The following AKAP6 variants were observed in gnomAD, a reference collection of about 807,000 sequenced individuals.
The protein encoded by AKAP6 is A-kinase anchor protein 6.
Under a neutral mutation model 188.5 loss-of-function variants are expected in AKAP6, and 58 were observed. The ratio of observed to expected loss-of-function variants is 0.31; its 90% confidence interval spans 0.25 to 0.38. The LOEUF (loss-of-function observed/expected upper bound fraction) is 0.38, where lower values mean the gene tolerates loss of function less well. AKAP6 is among the 10% of genes least tolerant of loss of function. AKAP6 has a pLI of 1.00. For synonymous variants in AKAP6, 989 were observed against 998.6 expected, an observed-to-expected ratio of 0.99 and a Z score of 0.18; for missense variants, 2,710 against 2,740.0, an observed-to-expected ratio of 0.99 and a Z score of 0.24.
At chr14:32,398,894 C>T (rs1220465293) in intron 1 of AKAP6, among the ~76,000 whole-genome samples, 1 of 143,760 alleles carries the variant, frequency 7.0e-6, no homozygotes, top group Non-Finnish European at 1.5e-5. Context: ...CTCTGTCGCC[C>T]AGGCTGGAGT....
intron 11 of AKAP6, among the ~76,000 whole-genome samples, chr14:32,746,529 G>T (rs1284304132): frequency 2.6e-5 from 4 of 152,158 alleles, no homozygotes; most frequent in Non-Finnish European, 5.9e-5. Flanking sequence ...TGCTGTGGTT[G>T]AGCTGGTATC....
chr14:32,354,422 A>T (rs56232509), intron 1 of AKAP6, among the ~76,000 whole-genome samples: 9,630 of 139,490 alleles, frequency 0.069, 402 homozygotes, highest in Non-Finnish European at 0.085. Flanking sequence ...GGGGATAATT[A>T]TACTACCTAA....
At chr14:32,365,005 G>A (rs1471803425) in intron 1 of AKAP6, among the ~76,000 whole-genome samples, 1 of 152,156 alleles carries the variant, frequency 6.6e-6, no homozygotes, top group African/African-American at 2.4e-5. Flanking sequence ...CTTTACATAA[G>A]AGGAAGCTGA....
intron 1 of AKAP6, among the ~76,000 whole-genome samples, chr14:32,398,035 AC>A (rs1273379943): frequency 1.3e-5 from 2 of 152,238 alleles, no homozygotes; most frequent in Non-Finnish European, 2.9e-5. Flanking sequence ...GGACACATCA[AC>A]TCAAAGATTA....
intron 2 of AKAP6, among the ~76,000 whole-genome samples, chr14:32,507,823 C>A (rs918263060): frequency 2.0e-5 from 3 of 152,100 alleles, no homozygotes; most frequent in Admixed American, 2.0e-4. Flanking sequence ...ATGCCATGAG[C>A]AAAAGGCAAG....
chr14:32,413,861 A>G (rs1889571143), intron 1 of AKAP6, among the ~76,000 whole-genome samples: 1 of 151,858 alleles, frequency 6.6e-6, no homozygotes, highest in Admixed American at 6.6e-5. Flanking sequence ...AGGCTTCTGT[A>G]CAGGATCAAA....
At chr14:32,796,908 G>A (rs1352023816) in intron 12 of AKAP6, among the ~76,000 whole-genome samples, 2 of 152,102 alleles carry the variant, frequency 1.3e-5, no homozygotes, top group African/African-American at 4.8e-5. Flanking sequence ...ATCTGACAAA[G>A]GTCTAATACC....
intron 12 of AKAP6, among the ~76,000 whole-genome samples, chr14:32,816,257 A>G (rs1184051288): frequency 6.6e-6 from 1 of 152,102 alleles, no homozygotes; most frequent in East Asian, 1.9e-4. Flanking sequence ...CAGTGGCATG[A>G]TCATGGCTCA....
intron 2 of AKAP6, among the ~76,000 whole-genome samples, chr14:32,471,404 G>A (rs943993879): frequency 2.0e-5 from 3 of 152,186 alleles, no homozygotes; most frequent in African/African-American, 4.8e-5. Context: ...GTTTATGGAC[G>A]GTGGTAGTAA....
chr14:32,597,464 G>A (rs1885751990), intron 5 of AKAP6, among the ~76,000 whole-genome samples: 1 of 152,168 alleles, frequency 6.6e-6, no homozygotes, highest in Non-Finnish European at 1.5e-5. Flanking sequence ...GCATGGCATT[G>A]CTTCAGAGTT....
chr14:32,498,931 C>T (rs1182551135), intron 2 of AKAP6, among the ~76,000 whole-genome samples: 1 of 152,094 alleles, frequency 6.6e-6, no homozygotes, highest in East Asian at 1.9e-4. Flanking sequence ...ATCAGCATAC[C>T]TTCAATAATT....
chr14:32,367,267 G>A (rs1365548563), intron 1 of AKAP6, among the ~76,000 whole-genome samples: 1 of 152,108 alleles, frequency 6.6e-6, no homozygotes, highest in African/African-American at 2.4e-5. Flanking sequence ...GAGTCTTAAC[G>A]CAGGGCTCAA....
chr14:32,732,335 A>G (rs2031213770), intron 9 of AKAP6, 119 bp from the exon 10 acceptor site: 12 of 1,135,234 alleles, frequency 1.1e-5, no homozygotes, highest in African/African-American at 1.6e-5. Context: ...TAGCCTCCCC[A>G]TAAATTTTAT....
chr14:32,458,996 T>C (rs1048703724), intron 2 of AKAP6, among the ~76,000 whole-genome samples: 1 of 152,056 alleles, frequency 6.6e-6, no homozygotes, highest in Middle Eastern at 3.2e-3. Context: ...TATCCATCGA[T>C]TGGTGAAAAG....
In AKAP6 at chr14:32,719,550, T is replaced by A. The variant is rs145358335; in HGVS notation, c.3001-12904T>A. Among the ~76,000 whole-genome samples the A allele has an allele frequency of 4.2e-3, 634 of 152,286 alleles. 7 individuals are homozygous for A. Among genetic ancestry groups the A allele is most frequent in the African/African-American group, 0.014 (593 of 41,554 alleles). ...AGCAAGATATCTCTTTGAGGAAATA[T>A]CAACAGAGTTAACATAAGAAATATA... On this transcript the variant is annotated intron_variant, in intron 9 of 13. Transcript: ENST00000280979.
rs190064678 is a variant in AKAP6 at position 32,348,693 on chromosome 14, A to G, written c.-35+19285A>G. ...CTCCCAAAGTGCTGGGATTATAGGC[A>G]TGAGCCACCGTGCCCAGCCCCATTG... On this transcript the variant is annotated intron_variant, in intron 1 of 13. Coordinates refer to ENST00000280979, the MANE Select transcript of AKAP6 (RefSeq NM_004274.5). 3.1e-3 allele frequency among the ~76,000 whole-genome samples: 469 copies of G among 152,150 alleles called. 1 individual carries two copies. Among genetic ancestry groups the G allele is most frequent in the Non-Finnish European group, 3.1e-3 (211 of 67,980 alleles).
chr14:32,513,559 C>T (rs1397250171), intron 2 of AKAP6, among the ~76,000 whole-genome samples: 1 of 152,188 alleles, frequency 6.6e-6, no homozygotes, highest in Non-Finnish European at 1.5e-5. Context: ...ATTCAGTTGC[C>T]TGCTTTGATA....
At position 32,566,646 on chromosome 14, in the gene AKAP6, T is replaced by C. The variant is rs138640174; in HGVS notation, c.2347-10474T>C. ...ACACATGTATGTTTACTCATACACA[T>C]GGAGTTCGAACAAAAAAAGGCAATT... is the stretch of plus-strand genomic sequence containing the variant. On this transcript the variant is annotated intron_variant, in intron 4 of 13. Transcript: ENST00000280979. Among the ~76,000 whole-genome samples the C allele has an allele frequency of 5.0e-3, 761 of 152,326 alleles. 4 individuals are homozygous for C. The highest frequency in any genetic ancestry group is 0.013 in the East Asian group (69 of 5,190).
chr14:32,460,764 T>G (rs1054992232), intron 2 of AKAP6, among the ~76,000 whole-genome samples: 5 of 152,192 alleles, frequency 3.3e-5, no homozygotes, highest in Non-Finnish European at 7.3e-5. Flanking sequence ...AGGAGCCAAG[T>G]GGTCTTGCTC....
Sources: gnomAD v4.1 joint callset for allele counts (sites outside exome capture counted in the v4.1 genomes callset) on GRCh38, gnomAD v4.1.1 for gene constraint, MANE v1.5 for transcripts, NCBI Gene and HGNC (gene_info 2026-07-23, HGNC 2026-07-21) for gene names.